Variants in RPAP2 observed in about 807,000 individuals in gnomAD.
RPAP2 encodes RNA polymerase II associated protein 2.
A neutral mutation model predicts 73.1 loss-of-function variants in RPAP2; 52 were observed. That is an observed-to-expected ratio of 0.71 (90% CI 0.57 to 0.90). The LOEUF (loss-of-function observed/expected upper bound fraction) is 0.90. Ranked by LOEUF, RPAP2 falls within the 40% of genes least tolerant of loss-of-function variation. The pLI is 0.00. For missense variants in RPAP2, 598 were observed against 701.8 expected, an observed-to-expected ratio of 0.85 and a Z score of 1.67; for synonymous variants, 225 against 242.1, an observed-to-expected ratio of 0.93 and a Z score of 0.65.
chr1:92,333,072 A>T (rs1653068073), intron 8 of RPAP2, among the ~76,000 whole-genome samples: 1 of 152,156 alleles, frequency 6.6e-6, no homozygotes, highest in Admixed American at 6.5e-5. Context: ...TTAATATTTT[A>T]ATCCCCTACA....
At chr1:92,384,572 C>T (rs1190026322) in intron 12 of RPAP2, among the ~76,000 whole-genome samples, 10 of 150,102 alleles carry the variant, frequency 6.7e-5, no homozygotes, top group Admixed American at 1.3e-4. Flanking sequence ...CGCAGTGAGC[C>T]GAGATTGTGC....
At chr1:92,371,316 A>AT (rs1384621483) in intron 11 of RPAP2, among the ~76,000 whole-genome samples, 508 of 38,992 alleles carry the variant, frequency 0.013, 2 homozygotes, top group Non-Finnish European at 0.021. Flanking sequence ...AAAAAAAAAA[A>AT]AAAATATATA....
At chr1:92,303,095 A>T (rs909227001) in intron 3 of RPAP2, among the ~76,000 whole-genome samples, 4 of 152,152 alleles carry the variant, frequency 2.6e-5, no homozygotes, top group Non-Finnish European at 5.9e-5. Context: ...TTTGAATGGA[A>T]ATTTCTCTTT....
chr1:92,350,019 G>T (rs1473186129), intron 11 of RPAP2, among the ~76,000 whole-genome samples: 3 of 152,262 alleles, frequency 2.0e-5, no homozygotes, highest in Admixed American at 2.0e-4. Context: ...AATCTGACCA[G>T]TTGGTACAGT....
chr1:92,351,625 T>G (rs1050530141), intron 11 of RPAP2, among the ~76,000 whole-genome samples: 1 of 152,162 alleles, frequency 6.6e-6, no homozygotes, highest in African/African-American at 2.4e-5. Context: ...TGTCAGTATA[T>G]TTGAGCCTGT....
At chr1:92,380,967 T>C in intron 12 of RPAP2, 94 bp downstream of exon 12, 1 of 1,091,826 alleles carries the variant, frequency 9.2e-7, no homozygotes, top group Non-Finnish European at 1.3e-6. Context: ...AAAAACCAAG[T>C]ACAGACCTCA....
At chr1:92,347,769 CTTCT>C (rs916407584) in intron 11 of RPAP2, among the ~76,000 whole-genome samples, 20 of 151,620 alleles carry the variant, frequency 1.3e-4, no homozygotes, top group Admixed American at 7.9e-4. Context: ...CACTGTTTGA[CTTCT>C]TTAACTTTGG....
In RPAP2 at chr1:92,307,177, G is replaced by A; in HGVS notation, c.400-11G>A. The A allele has an allele frequency of 3.8e-6, 6 of 1,591,136 alleles. No homozygotes were observed. Among genetic ancestry groups the A allele is most frequent in the African/African-American group, 1.3e-5 (1 of 74,312 alleles). On this transcript the variant is annotated splice_polypyrimidine_tract_variant and intron_variant, in intron 5 of 12. Coordinates refer to ENST00000610020, the MANE Select transcript of RPAP2 (RefSeq NM_024813.3). ...ATAAGAAAAAAACTAGATTTATAAT[G>A]TTCTTTTCAGTCTTTTTGCAGCAAT...
intron 10 of RPAP2, among the ~76,000 whole-genome samples, chr1:92,341,898 C>T (rs746465428): frequency 1.3e-5 from 2 of 152,214 alleles, no homozygotes; most frequent in Non-Finnish European, 2.9e-5. Context: ...CTGCCTTGGC[C>T]TCCCAACGTG....
intron 10 of RPAP2, among the ~76,000 whole-genome samples, chr1:92,339,195 T>G (rs1653459055): frequency 6.6e-6 from 1 of 152,106 alleles, no homozygotes; most frequent in Admixed American, 6.6e-5. Context: ...TACTAGAAAC[T>G]TTAGGAAAAA....
At chr1:92,314,167 C>T (rs1651764079) in intron 6 of RPAP2, among the ~76,000 whole-genome samples, 1 of 152,134 alleles carries the variant, frequency 6.6e-6, no homozygotes, top group Non-Finnish European at 1.5e-5. Context: ...TGCGTACTGG[C>T]AAAATAGGCC....
At chr1:92,353,431 T>G (rs1654314375) in intron 11 of RPAP2, among the ~76,000 whole-genome samples, 1 of 152,214 alleles carries the variant, frequency 6.6e-6, no homozygotes, top group African/African-American at 2.4e-5. Flanking sequence ...CTAATCTCAT[T>G]GATTTTAGGT....
At chr1:92,310,698 A>G (rs1057121012) in intron 6 of RPAP2, among the ~76,000 whole-genome samples, 3 of 152,282 alleles carry the variant, frequency 2.0e-5, no homozygotes, top group Admixed American at 2.0e-4. Flanking sequence ...GGAGTTCAAG[A>G]TCAGCCTGGC....
At chr1:92,309,239 C>T (rs1439900487) in intron 6 of RPAP2, among the ~76,000 whole-genome samples, 3 of 151,898 alleles carry the variant, frequency 2.0e-5, no homozygotes, top group African/African-American at 4.8e-5. Context: ...GTCAAGAGAT[C>T]GAGACCATCC....
rs561978221 is a variant in RPAP2 at position 92,348,243 on chromosome 1, A to G, written c.1688+2329A>G. Among the ~76,000 whole-genome samples, 17 of 152,238 alleles carry G rather than the reference A, an allele frequency of 1.1e-4. No homozygotes were observed. The South Asian group carries it at 3.3e-3, about 30-fold the overall frequency. The stretch of plus-strand genomic sequence containing the variant: ...TAAACACTATTTGCTTTTGTCATTC[A>G]CCTTGCATCCCTTCTCTCTTTCGTT... On this transcript the variant is annotated intron_variant, in intron 11 of 12. Transcript: ENST00000610020.
intron 11 of RPAP2, among the ~76,000 whole-genome samples, chr1:92,377,086 T>A (rs781538936): frequency 3.9e-5 from 6 of 152,190 alleles, no homozygotes; most frequent in Non-Finnish European, 7.3e-5. Flanking sequence ...GCTATTCCTC[T>A]ACAGTATCCC....
rs56871729 is a variant in RPAP2 at position 92,345,736 on chromosome 1, A to T, written c.1620-110A>T. 2,499 of 635,668 alleles carry T rather than the reference A, an allele frequency of 3.9e-3. 40 individuals are homozygous for T. The highest frequency in any genetic ancestry group is 0.037 in the African/African-American group (1,989 of 53,928). 39.4% of individuals were successfully genotyped at this position (635,668 alleles called of 1,614,324 possible). On this transcript the variant is annotated intron_variant, in intron 10 of 12. Transcript: ENST00000610020. ...TCCTGTCAAATATAACAAGTATTTT[A>T]AAAAAAAGTGCTTCTTTGGCACATT...
chr1:92,376,807 C>G (rs1655401953), intron 11 of RPAP2, among the ~76,000 whole-genome samples: 1 of 152,202 alleles, frequency 6.6e-6, no homozygotes, highest in African/African-American at 2.4e-5. Flanking sequence ...AGCATATTAG[C>G]TAAGAGTTTG....
Position 92,305,432 on chromosome 1 carries a change from C to CAAAAAAAAAAAAAAAA in RPAP2, c.399+1087_399+1102dup, listed in dbSNP as rs71091273. ...GGGGCAACAGAGTGAGGCTCCGTCT[C>CAAAAAAAAAAAAAAAA]AAAAAAAAAAAAAAAAAAAGACAAT... On this transcript the variant is annotated intron_variant, in intron 5 of 12. Coordinates refer to ENST00000610020, the MANE Select transcript of RPAP2 (RefSeq NM_024813.3). Among the ~76,000 whole-genome samples the CAAAAAAAAAAAAAAAA allele has an allele frequency of 4.3e-3, 226 of 52,642 alleles. 21 individuals carry two copies. The highest frequency in any genetic ancestry group is 0.012 in the African/African-American group (88 of 7,510). The allele number at this position is 52,642 out of a possible 152,430, so 34.5% of individuals were successfully genotyped here.
Sources: gnomAD v4.1 joint callset for allele counts (sites outside exome capture counted in the v4.1 genomes callset) on GRCh38, gnomAD v4.1.1 for gene constraint, MANE v1.5 for transcripts, NCBI Gene and HGNC (gene_info 2026-07-23, HGNC 2026-07-21) for gene names.